Variants in CTR9 observed in about 807,000 individuals in gnomAD.
CTR9 encodes the protein RNA polymerase-associated protein CTR9 homolog.
CTR9 carries 41 observed loss-of-function variants against 152.1 expected under a neutral mutation model. The observed-to-expected ratio is 0.27, with a 90% CI of 0.21 to 0.35. The LOEUF (loss-of-function observed/expected upper bound fraction) is 0.35. CTR9 is among the 10% of genes least tolerant of loss of function. The probability of loss-of-function intolerance (pLI) is 1.00; values close to 1 mark genes in which losing one functional copy is unlikely to be tolerated. For synonymous variants in CTR9, 476 were observed against 496.2 expected (o/e 0.96, Z 0.54); for missense variants, 917 against 1,424.4 (o/e 0.64, Z 5.73).
chr11:10,774,137 G>C lies in CTR9; in HGVS notation c.2853G>C (p.Glu951Asp), dbSNP rs568774868. ...SGSEQEGEDE[E>D]GGERKKKKRR... Reference sequence around the variant, plus strand: ...GTGAACAAGAAGGTGAAGATGAGGAGGGTGGTGAGAGAAAGAAGAAAAAGA... The same window carrying C: ...GTGAACAAGAAGGTGAAGATGAGGACGGTGGTGAGAGAAAGAAGAAAAAGA... Residue 951 changes from glutamate (E) to aspartate (D), a missense_variant, in exon 22 of 25, where the codon GAG becomes GAC. Transcript: ENST00000361367. 2.1e-4 allele frequency: 344 copies of C among 1,603,634 alleles called. 7 individuals are homozygous for C. In the South Asian group the frequency reaches 3.6e-3, roughly 17 times the overall value.
At chr11:10,755,359 T>G (rs1363263362) in intron 3 of CTR9, among the ~76,000 whole-genome samples, 162 bp downstream of exon 3, 1 of 152,198 alleles carries the variant, frequency 6.6e-6, no homozygotes, top group Non-Finnish European at 1.5e-5. Context: ...AATGCTTTGG[T>G]TTTTGTACTG....
intron 1 of CTR9, among the ~76,000 whole-genome samples, chr11:10,751,965 G>A (rs1862809836): frequency 6.6e-6 from 1 of 152,046 alleles, no homozygotes; most frequent in Non-Finnish European, 1.5e-5. Flanking sequence ...CCAAGATTTA[G>A]CCGCCCCTGT....
chr11:10,768,458 G>A lies in CTR9; in HGVS notation c.2076G>A (p.Val692=). 1 of 1,612,476 alleles carries A rather than the reference G, an allele frequency of 6.2e-7. No homozygotes were observed. The highest frequency in any genetic ancestry group is 8.5e-7 in the Non-Finnish European group (1 of 1,179,588). ...GGCTGAACTTAGCACACATCTATGT[G>A]GAGCAAAAGCAGTACATCAGCGCCG... ...DVWLNLAHIY[V]EQKQYISAVQ... is the part of the protein sequence containing the mutation. The change falls in exon 16 of 25, where the codon GTG becomes GTA. Residue 692 remains valine, a synonymous_variant. Transcript: ENST00000361367.
At chr11:10,752,310 C>G (rs1469065877) in intron 1 of CTR9, among the ~76,000 whole-genome samples, 2 of 152,120 alleles carry the variant, frequency 1.3e-5, no homozygotes, top group African/African-American at 4.8e-5. Context: ...TCATGCATCT[C>G]AAGGAGTCAG....
At chr11:10,763,198 G>C (rs1863004716) in intron 7 of CTR9, among the ~76,000 whole-genome samples, 1 of 145,446 alleles carries the variant, frequency 6.9e-6, no homozygotes, top group Non-Finnish European at 1.5e-5. Flanking sequence ...GTGGTTAATA[G>C]TTATGTGACC....
chr11:10,776,925 A>AT (rs1484906872), intron 24 of CTR9, among the ~76,000 whole-genome samples: 1 of 125,408 alleles, frequency 8.0e-6, no homozygotes, highest in East Asian at 2.9e-4. Context: ...GTGAGCTGAG[A>AT]TGGTACCACT....
At chr11:10,771,122 A>G (rs898597512) in intron 18 of CTR9, among the ~76,000 whole-genome samples, 5 of 152,340 alleles carry the variant, frequency 3.3e-5, no homozygotes, top group South Asian at 4.1e-4. Context: ...ATTTAGCCAT[A>G]TAGTATTTAT....
At chr11:10,764,954 C>G (rs1440503323) in intron 12 of CTR9, among the ~76,000 whole-genome samples, 2 of 152,304 alleles carry the variant, frequency 1.3e-5, no homozygotes, top group Admixed American at 6.5e-5. Flanking sequence ...ATTTCAATGA[C>G]TAGGTTATCT....
intron 16 of CTR9, 103 bp from the exon 17 acceptor site, chr11:10,770,107 C>A: frequency 1.4e-6 from 1 of 721,944 alleles, no homozygotes; most frequent in Non-Finnish European, 2.2e-6. Context: ...AAGGGTAAAA[C>A]ACCTTTTTAC....
chr11:10,773,023 T>C, intron 20 of CTR9, 104 bp from the exon 21 acceptor site: 1 of 1,329,440 alleles, frequency 7.5e-7, no homozygotes, highest in Non-Finnish European at 1.0e-6. Flanking sequence ...TGAGACTCCA[T>C]CTCAAAAGAA....
intron 4 of CTR9, 138 bp downstream of exon 4, chr11:10,755,933 C>A: frequency 1.8e-6 from 1 of 548,198 alleles, no homozygotes; most frequent in East Asian, 3.0e-5. Flanking sequence ...ATGAAATTAC[C>A]TACAACAAAT....
In CTR9 at chr11:10,768,514, A is replaced by G. The variant is rs367908762; in HGVS notation, c.2109+23A>G. 6 of 1,577,232 alleles carry G rather than the reference A, an allele frequency of 3.8e-6. No homozygotes were observed. The South Asian group carries it at 5.9e-5, about 15-fold the overall frequency. On this transcript the variant is annotated intron_variant, in intron 16 of 24. Transcript: ENST00000361367. ...ATGGTAATAGCTTCTCTTTCAAGAT[A>G]TTTTTATATCTTGTTCATTGTTAAG...
intron 5 of CTR9, among the ~76,000 whole-genome samples, chr11:10,758,730 A>G (rs1462268756): frequency 6.6e-6 from 1 of 152,116 alleles, no homozygotes; most frequent in Non-Finnish European, 1.5e-5. Flanking sequence ...TTCTGTAAAC[A>G]ATTAAGATCA....
Position 10,763,746 on chromosome 11 carries a change from G to A in CTR9, c.1061G>A (p.Arg354Gln), listed in dbSNP as rs112593026. Residue 354 changes from arginine (R) to glutamine (Q), a missense_variant, in exon 9 of 25, where the codon CGA becomes CAA. This residue lies in a region of CTR9 where 133 missense variants were observed against 244.1 expected (regional missense o/e 0.54). Coordinates refer to ENST00000361367, the MANE Select transcript of CTR9 (RefSeq NM_014633.5). ...FFGLGQMYIY[R>Q]GDKENASQCF... ...GGTTTGGGACAAATGTATATTTATC[G>A]AGGTGACAAAGAAAATGCATCTCAG... The A allele has an allele frequency of 6.2e-7, 1 of 1,613,584 alleles. No individual in the cohort carries two copies. Among genetic ancestry groups the A allele is most frequent in the African/African-American group, 1.3e-5 (1 of 74,816 alleles).
Position 10,778,977 on chromosome 11 carries a change from C to T in CTR9, c.3394C>T (p.His1132Tyr), listed in dbSNP as rs747034137. The T allele has an allele frequency of 3.7e-6, 6 of 1,614,004 alleles. No individual in the cohort carries two copies. Among genetic ancestry groups the T allele is most frequent in the Admixed American group, 3.3e-5 (2 of 59,988 alleles). Residue 1132 changes from histidine (H) to tyrosine (Y), a missense_variant, in exon 25 of 25, where the codon CAC becomes TAC. His to Tyr is a moderately conservative substitution (Grantham distance 83, BLOSUM62 2). Around this residue, in one of 9 missense-constraint regions of CTR9, gnomAD observed 384 missense variants for 398.4 expected, o/e 0.96. Coordinates refer to ENST00000361367, the MANE Select transcript of CTR9 (RefSeq NM_014633.5). ...AGCTTCTCCAAGTGCCGAATCAGAT[C>T]ACGAATCGGAGAGAGGATCTGATAA... ...RPASPSAESD[H>Y]ESERGSDNEG...
At chr11:10,760,494 A>G (rs147852778) in intron 6 of CTR9, among the ~76,000 whole-genome samples, 173 bp downstream of exon 6, 2 of 152,290 alleles carry the variant, frequency 1.3e-5, no homozygotes, top group East Asian at 1.9e-4. Context: ...CCCAAAAGCA[A>G]ACTTATATTT....
chr11:10,772,983 C>T, intron 20 of CTR9, 144 bp from the exon 21 acceptor site: 2 of 921,128 alleles, frequency 2.2e-6, no homozygotes, highest in Non-Finnish European at 3.2e-6. Context: ...GCCGAGATTG[C>T]ACCACTGTAC....
In CTR9 at chr11:10,770,060, A is replaced by C. The variant is rs1440032589; in HGVS notation, c.2110-150A>C. On this transcript the variant is annotated intron_variant, in intron 16 of 24. Coordinates refer to ENST00000361367, the MANE Select transcript of CTR9 (RefSeq NM_014633.5). ...AAATGTATCCTGATGAATGTCAAAA[A>C]TCATTCCCCAAATTATTCTCTGAAA... The C allele has an allele frequency of 2.4e-5, 13 of 551,218 alleles. No individual in the cohort carries two copies. The Admixed American group carries it at 4.5e-4, about 19-fold the overall frequency. The allele number at this position is 551,218 out of a possible 1,614,324, so 34.1% of individuals were successfully genotyped here. A position where few individuals can be genotyped will look rare whatever the true frequency, so the allele number is the denominator to read the frequency against.
At chr11:10,756,508 G>C (rs1232812219) in intron 4 of CTR9, among the ~76,000 whole-genome samples, 1 of 152,104 alleles carries the variant, frequency 6.6e-6, no homozygotes, top group African/African-American at 2.4e-5. Flanking sequence ...GCAGTATTCA[G>C]TTTTCTGTTC....
Sources: allele counts gnomAD v4.1 joint callset (sites outside exome capture counted in the v4.1 genomes callset), GRCh38; gene constraint gnomAD v4.1.1; regional missense constraint gnomAD v4.1.1; transcripts MANE v1.5; gene names NCBI Gene and HGNC (gene_info 2026-07-23, HGNC 2026-07-21).